The following DAAM2 variants were observed in gnomAD, a reference collection of about 807,000 sequenced individuals.
The protein encoded by DAAM2 is dishevelled associated activator of morphogenesis 2.
DAAM2 carries 39 observed loss-of-function variants against 120.7 expected under a neutral mutation model. That is an observed-to-expected ratio of 0.32 (90% CI 0.25 to 0.42). The LOEUF is 0.42. Ranked by LOEUF, DAAM2 falls within the 10% of genes least tolerant of loss-of-function variation. The pLI is 1.00. For missense variants in DAAM2, 1,283 were observed against 1,401.7 expected, an observed-to-expected ratio of 0.92 and a Z score of 1.35; for synonymous variants, 488 against 524.9, an observed-to-expected ratio of 0.93 and a Z score of 0.96.
chr6:39,804,685 G>C (rs1248255088), intron 1 of DAAM2, among the ~76,000 whole-genome samples: 1 of 152,184 alleles, frequency 6.6e-6, no homozygotes, highest in Admixed American at 6.5e-5. Context: ...CCTCTAATTA[G>C]CTGCACCGCC....
rs1766545471 is a variant in DAAM2, at chr6:39,902,381, A to C, written c.*344A>C. 5.1e-6 allele frequency: 1 copy of C among 196,858 alleles called. No individual in the cohort carries two copies. The highest frequency in any genetic ancestry group is 2.3e-5 in the African/African-American group (1 of 43,304). The allele number at this position is 196,858 out of a possible 1,614,324, so 12.2% of individuals were successfully genotyped here. A position where few individuals can be genotyped will look rare whatever the true frequency, so the allele number is the denominator to read the frequency against. On this transcript the variant is annotated 3_prime_UTR_variant, in exon 25 of 25. Coordinates refer to ENST00000274867, the MANE Select transcript of DAAM2 (RefSeq NM_001201427.2). ...GCTGGCACAGAACAGTTCCAGATCT[A>C]GACTGGAGAGGTCCACAGCCTTGTC...
rs1389697496 is a variant in DAAM2 at position 39,834,692 on chromosome 6, G to A, written c.-56-21555G>A. ...ATTACATAATCAGCATCATGCTATT[G>A]GTGTTATATTAACTCTATATAAGAG... On this transcript the variant is annotated intron_variant, in intron 1 of 24. Transcript: ENST00000274867. Among the ~76,000 whole-genome samples the A allele has an allele frequency of 1.3e-5, 2 of 152,114 alleles. 1 individual carries two copies. The highest frequency in any genetic ancestry group is 2.9e-5 in the Non-Finnish European group (2 of 68,024).
chr6:39,797,651 G>T (rs966154739), intron 1 of DAAM2, among the ~76,000 whole-genome samples: 11 of 152,182 alleles, frequency 7.2e-5, no homozygotes, highest in African/African-American at 2.7e-4. Context: ...CTTCCCAGGT[G>T]ATCTGAAGTC....
intron 1 of DAAM2, chr6:39,821,121 C>T (rs558779092): frequency 2.6e-5 from 4 of 152,284 alleles, no homozygotes; most frequent in African/African-American, 4.8e-5. Flanking sequence ...TCCTTCCTTT[C>T]TAGCATTTCC....
chr6:39,901,231 A>C lies in DAAM2; in HGVS notation c.2812-71A>C. 6.9e-7 allele frequency: 1 copy of C among 1,457,100 alleles called. No homozygotes were observed. The highest frequency in any genetic ancestry group is 9.5e-7 in the Non-Finnish European group (1 of 1,056,242). The allele number at this position is 1,457,100 out of a possible 1,614,324, so 90.3% of individuals were successfully genotyped here. On this transcript the variant is annotated intron_variant, in intron 23 of 24. Transcript: ENST00000274867. The surrounding 1 kb of genome is among the most constrained non-coding windows in gnomAD (Gnocchi z 4.5). ...CTGGGCTCTGCTCTGGCTAGAACCC[A>C]GCTAACCTCAGGGGCTGAGCCCAGC...
In DAAM2 at chr6:39,901,854, G is replaced by A; in HGVS notation, c.3024G>A (p.Arg1008=). ...AACGTGAGCGGTGGCAGCGGCAGCGGAAGGTCCTGGCTGCAGGCAGCTCGC... is the reference window on the plus strand; with the variant it reads ...AACGTGAGCGGTGGCAGCGGCAGCGAAAGGTCCTGGCTGCAGGCAGCTCGC... ...QRERERWQRQ[R]KVLAAGSSLE... The change falls in exon 25 of 25, where the codon CGG becomes CGA. Residue 1008 remains arginine (R), a synonymous_variant. Coordinates refer to ENST00000274867, the MANE Select transcript of DAAM2 (RefSeq NM_001201427.2). The surrounding 1 kb of genome is among the most constrained non-coding windows in gnomAD (Gnocchi z 4.5). The A allele has an allele frequency of 1.3e-6, 2 of 1,573,980 alleles. No homozygotes were observed. The highest frequency in any genetic ancestry group is 8.6e-7 in the Non-Finnish European group (1 of 1,156,780).
rs367971390 is a variant in DAAM2, at chr6:39,901,938, C to T, written c.3108C>T (p.Phe1036=). Reference sequence around the variant, plus strand: ...CGGCCCTGCGCTCTGGGGAGGTCTTCGACAAGGACTTATGCAAGCTCAAGC... The same window carrying T: ...CGGCCCTGCGCTCTGGGGAGGTCTTTGACAAGGACTTATGCAAGCTCAAGC... ...LVSALRSGEV[F]DKDLCKLKRS... Residue 1036 remains phenylalanine (F), a synonymous_variant, in exon 25 of 25, where the codon TTC becomes TTT. Coordinates refer to ENST00000274867, the MANE Select transcript of DAAM2 (RefSeq NM_001201427.2). This position sits in a 1 kb window ranked among gnomAD's most constrained non-coding sequence, Gnocchi z 4.5. The T allele has an allele frequency of 6.5e-5, 104 of 1,611,592 alleles. 1 individual carries two copies. The African/African-American group carries it at 7.1e-4, about 11-fold the overall frequency.
intron 5 of DAAM2, among the ~76,000 whole-genome samples, chr6:39,865,998 G>C (rs1764414985): frequency 6.6e-6 from 1 of 152,184 alleles, no homozygotes; most frequent in African/African-American, 2.4e-5. Context: ...TTACACCATG[G>C]AAATGAGCAA....
Position 39,901,268 on chromosome 6 carries a change from C to T in DAAM2, c.2812-34C>T, listed in dbSNP as rs777504291. On this transcript the variant is annotated intron_variant, in intron 23 of 24. Transcript: ENST00000274867. This position sits in a 1 kb window ranked among gnomAD's most constrained non-coding sequence, Gnocchi z 4.5. ...GGGCTGAGCCCAGCATGCTCCAGGG[C>T]ACTCTCCACCAATCCTGTTCTGTCC... 3 of 1,592,430 alleles carry T rather than the reference C, an allele frequency of 1.9e-6. No individual in the cohort carries two copies. The highest frequency in any genetic ancestry group is 1.3e-5 in the African/African-American group (1 of 74,784).
At chr6:39,812,128 C>T (rs2987596) in intron 1 of DAAM2, among the ~76,000 whole-genome samples, 39,604 of 152,128 alleles carry the variant, frequency 0.26, 6,672 homozygotes, top group South Asian at 0.37. Context: ...CTGGTTGCTG[C>T]GGACCCCGGG....
At chr6:39,835,437 G>T (rs1175527667) in intron 1 of DAAM2, among the ~76,000 whole-genome samples, 1 of 152,212 alleles carries the variant, frequency 6.6e-6, no homozygotes, top group African/African-American at 2.4e-5. Context: ...AGGAACATGA[G>T]CTGGGGCTCT....
intron 1 of DAAM2, among the ~76,000 whole-genome samples, chr6:39,810,722 A>T (rs1210163655): frequency 3.3e-5 from 5 of 152,212 alleles, no homozygotes; most frequent in African/African-American, 1.2e-4. Flanking sequence ...GGCTGAAGTT[A>T]GACCTCACCC....
intron 1 of DAAM2, among the ~76,000 whole-genome samples, chr6:39,813,991 A>G (rs907091594): frequency 6.6e-6 from 1 of 152,190 alleles, no homozygotes; most frequent in Non-Finnish European, 1.5e-5. Context: ...ACTGGGGGAA[A>G]GGGGCCCTAA....
intron 1 of DAAM2, chr6:39,823,098 C>T (rs1762545616): frequency 6.6e-6 from 1 of 152,164 alleles, no homozygotes; most frequent in Non-Finnish European, 1.5e-5. Context: ...CGATTTTAGT[C>T]CCCAGGTTTG....
intron 9 of DAAM2, 133 bp downstream of exon 9, chr6:39,871,705 A>G: frequency 1.5e-6 from 1 of 683,602 alleles, no homozygotes; most frequent in East Asian, 2.7e-5. Context: ...CCCCATGGCC[A>G]GGTCCTGTGA....
chr6:39,904,507 T>C lies in DAAM2; in HGVS notation c.*2470T>C. ...TTAGATAAGTTTCTCTAGCTAATTT[T>C]GTGGCCAATGTAAAATTCGTCATCA... On this transcript the variant is annotated 3_prime_UTR_variant, in exon 25 of 25. Transcript: ENST00000274867. 2 of 454,396 alleles carry C rather than the reference T, an allele frequency of 4.4e-6. No homozygotes were observed. The highest frequency in any genetic ancestry group is 8.8e-6 in the Non-Finnish European group (2 of 226,966). 28.1% of individuals were successfully genotyped at this position (454,396 alleles called of 1,614,324 possible).
chr6:39,897,693 T>A (rs1766195467), intron 21 of DAAM2, among the ~76,000 whole-genome samples: 1 of 152,200 alleles, frequency 6.6e-6, no homozygotes, highest in African/African-American at 2.4e-5. Context: ...TGTGTGCTTT[T>A]TCATACATCG....
intron 7 of DAAM2, among the ~76,000 whole-genome samples, chr6:39,869,792 A>G (rs574790258): frequency 0.015 from 1,135 of 74,308 alleles, 21 homozygotes; most frequent in African/African-American, 0.047. Flanking sequence ...AAAACAATTT[A>G]TCTTTATGCC....
At chr6:39,866,454 G>T (rs888977915) in intron 5 of DAAM2, among the ~76,000 whole-genome samples, 1 of 152,094 alleles carries the variant, frequency 6.6e-6, no homozygotes, top group African/African-American at 2.4e-5. Context: ...ACACAAATAC[G>T]CTTGGGATAA....
Sources: gnomAD v4.1 joint callset for allele counts (sites outside exome capture counted in the v4.1 genomes callset) on GRCh38, gnomAD v4.1.1 for gene constraint, Gnocchi (gnomAD v3.1) non-coding constraint, MANE v1.5 for transcripts, NCBI Gene and HGNC (gene_info 2026-07-23, HGNC 2026-07-21) for gene names.